The following KCNJ6 variants were observed in gnomAD, a reference collection of about 807,000 sequenced individuals.
KCNJ6 encodes potassium inwardly rectifying channel subfamily J member 6.
A neutral mutation model predicts 34.2 loss-of-function variants in KCNJ6; 9 were observed. The ratio of observed to expected loss-of-function variants is 0.26; its 90% CI spans 0.16 to 0.46. The LOEUF is 0.46. Among genes scored for constraint, KCNJ6 ranks in the 20% least tolerant of loss-of-function variants. KCNJ6 has a pLI of 1.00. For missense variants in KCNJ6, 236 were observed against 531.3 expected, an observed-to-expected ratio of 0.44 and a Z score of 5.46; for synonymous variants, 196 against 207.1, an observed-to-expected ratio of 0.95 and a Z score of 0.46.
intron 2 of KCNJ6, among the ~76,000 whole-genome samples, chr21:37,749,024 G>A (rs938304836): frequency 2.2e-4 from 33 of 152,318 alleles, no homozygotes; most frequent in African/African-American, 7.5e-4. Context: ...GTATGCATGT[G>A]TGTATGTATC....
At position 37,909,449 on chromosome 21, in the gene KCNJ6, T is replaced by C. The variant is rs149445073; in HGVS notation, c.-28+6435A>G. 3.7e-4 allele frequency among the ~76,000 whole-genome samples: 56 copies of C among 151,784 alleles called. No homozygotes were observed. The East Asian group carries it at 1.0e-2, about 27-fold the overall frequency. On this transcript the variant is annotated intron_variant, in intron 1 of 3. Transcript: ENST00000609713. ...GGTGTGATCTCAGCTCACTGCAACA[T>C]CTGCCTCCTGGGTTCAAGCAATTCT...
chr21:37,677,846 CACCCATTCATCA>C (rs1368620039), intron 3 of KCNJ6, among the ~76,000 whole-genome samples: 1 of 100,892 alleles, frequency 9.9e-6, no homozygotes, highest in Admixed American at 1.3e-4. Flanking sequence ...TTCACTCATT[CACCCATTCATCA>C]ACCCATTCAT....
chr21:37,898,952 A>G (rs533243948), intron 1 of KCNJ6, among the ~76,000 whole-genome samples: 1 of 152,364 alleles, frequency 6.6e-6, no homozygotes, highest in South Asian at 2.1e-4. Flanking sequence ...AGCTTTGAAT[A>G]CAGAAAAAAG....
intron 1 of KCNJ6, among the ~76,000 whole-genome samples, chr21:37,913,812 C>T (rs1172085424): frequency 2.0e-5 from 3 of 151,944 alleles, no homozygotes; most frequent in Non-Finnish European, 4.4e-5. Flanking sequence ...AGCGAGACTC[C>T]GTCTAAAAAA....
At chr21:37,715,523 A>G (rs1424061892) in intron 2 of KCNJ6, among the ~76,000 whole-genome samples, 3 of 152,214 alleles carry the variant, frequency 2.0e-5, no homozygotes, top group African/African-American at 7.2e-5. Flanking sequence ...TAGCTCTACT[A>G]CTTAGCAACT....
rs1164994468 is a variant in KCNJ6 at position 37,780,084 on chromosome 21, T to C, written c.25+60574A>G. Reference sequence around the variant, plus strand: ...GAAAGCGTGGATAAGAATTATTACCTTGAAAATATAAGATAAGGAAATAAT... The same window carrying C: ...GAAAGCGTGGATAAGAATTATTACCCTGAAAATATAAGATAAGGAAATAAT... On this transcript the variant is annotated intron_variant, in intron 2 of 3. Coordinates refer to ENST00000609713, the MANE Select transcript of KCNJ6 (RefSeq NM_002240.5). Among the ~76,000 whole-genome samples the C allele has an allele frequency of 3.3e-5, 5 of 152,246 alleles. No individual in the cohort carries two copies. In the East Asian group the frequency reaches 7.7e-4, roughly 24 times the overall value.
intron 3 of KCNJ6, among the ~76,000 whole-genome samples, chr21:37,693,021 C>T (rs858009): frequency 6.6e-6 from 1 of 152,056 alleles, no homozygotes; most frequent in African/African-American, 2.4e-5. Flanking sequence ...GTGACTGCCG[C>T]ACCCTGTGTA....
At chr21:37,659,573 G>A (rs924339773) in intron 3 of KCNJ6, among the ~76,000 whole-genome samples, 4 of 152,250 alleles carry the variant, frequency 2.6e-5, no homozygotes, top group Admixed American at 2.6e-4. Flanking sequence ...CAGAAATGCA[G>A]TCTAGCTGGA....
rs116794763 is a variant in KCNJ6 at position 37,756,062 on chromosome 21, C to A, written c.26-40931G>T. Among the ~76,000 whole-genome samples, 574 of 152,296 alleles carry A rather than the reference C, an allele frequency of 3.8e-3. 3 individuals carry two copies. The highest frequency in any genetic ancestry group is 0.013 in the African/African-American group (554 of 41,556). ...CTTCCAGGTTCTGTGGATGGATGGACGCTGACACAGCACCCTCGTTTGTAA... is the reference window on the plus strand; with the variant it reads ...CTTCCAGGTTCTGTGGATGGATGGAAGCTGACACAGCACCCTCGTTTGTAA... On this transcript the variant is annotated intron_variant, in intron 2 of 3. Coordinates refer to ENST00000609713, the MANE Select transcript of KCNJ6 (RefSeq NM_002240.5).
intron 1 of KCNJ6, among the ~76,000 whole-genome samples, chr21:37,907,008 A>G (rs1278667566): frequency 6.6e-6 from 1 of 152,168 alleles, no homozygotes; most frequent in Non-Finnish European, 1.5e-5. Context: ...GAGAGGAGGA[A>G]TTATATGTTA....
intron 3 of KCNJ6, among the ~76,000 whole-genome samples, chr21:37,713,182 T>TGTCACAGGTTGATGAAGAAC (rs1489952649): frequency 3.3e-5 from 5 of 152,078 alleles, no homozygotes; most frequent in African/African-American, 1.2e-4. Flanking sequence ...TTAAGTTACT[T>TGTCACAGGTTGATGAAGAAC]GTCACAGGTT....
intron 1 of KCNJ6, among the ~76,000 whole-genome samples, chr21:37,853,542 T>C (rs1012755387): frequency 2.0e-5 from 3 of 151,912 alleles, no homozygotes; most frequent in African/African-American, 4.8e-5. Context: ...GGAAGTTCTC[T>C]CAACAAAAAG....
chr21:37,755,591 G>T (rs1331579053), intron 2 of KCNJ6, among the ~76,000 whole-genome samples: 1 of 152,244 alleles, frequency 6.6e-6, no homozygotes, highest in Non-Finnish European at 1.5e-5. Context: ...ACTGAAGGAA[G>T]AGAGGAGCCT....
intron 3 of KCNJ6, among the ~76,000 whole-genome samples, chr21:37,711,409 G>A (rs1297677461): frequency 6.6e-6 from 1 of 152,146 alleles, no homozygotes; most frequent in African/African-American, 2.4e-5. Context: ...GGAGACCACT[G>A]AGCACAGCAG....
chr21:37,820,384 T>C (rs1169180362), intron 2 of KCNJ6, among the ~76,000 whole-genome samples: 1 of 152,182 alleles, frequency 6.6e-6, no homozygotes, highest in African/African-American at 2.4e-5. Context: ...CAAAGCTGGG[T>C]GTGCTGCAAT....
chr21:37,824,103 G>A (rs2055387428), intron 2 of KCNJ6, among the ~76,000 whole-genome samples: 1 of 152,048 alleles, frequency 6.6e-6, no homozygotes, highest in Non-Finnish European at 1.5e-5. Flanking sequence ...GGAGGTGGGG[G>A]GAAAAAGAGA....
At chr21:37,849,097 A>G (rs1259891190) in intron 1 of KCNJ6, among the ~76,000 whole-genome samples, 2 of 152,158 alleles carry the variant, frequency 1.3e-5, no homozygotes, top group Non-Finnish European at 2.9e-5. Flanking sequence ...GGAGGCACTG[A>G]GGATGTCCAG....
At chr21:37,684,717 GAA>G (rs2054605596) in intron 3 of KCNJ6, among the ~76,000 whole-genome samples, 1 of 152,352 alleles carries the variant, frequency 6.6e-6, no homozygotes, top group South Asian at 2.1e-4. Context: ...ATTATTCGGT[GAA>G]AAGTGTTAGG....
At chr21:37,755,267 T>C (rs533382878) in intron 2 of KCNJ6, among the ~76,000 whole-genome samples, 44 of 152,116 alleles carry the variant, frequency 2.9e-4, no homozygotes, top group African/African-American at 1.1e-3. Flanking sequence ...TTCTGGGACA[T>C]CTATGTTCAG....
Sources: allele counts gnomAD v4.1 joint callset (sites outside exome capture counted in the v4.1 genomes callset), GRCh38; gene constraint gnomAD v4.1.1; transcripts MANE v1.5; gene names NCBI Gene and HGNC (gene_info 2026-07-23, HGNC 2026-07-21).